The following CPSF4 variants were observed in gnomAD, a reference collection of about 807,000 sequenced individuals.
The protein encoded by CPSF4 is cleavage and polyadenylation specificity factor subunit 4.
A neutral mutation model predicts 37.7 loss-of-function variants in CPSF4; 11 were observed. The ratio of observed to expected loss-of-function variants is 0.29; its 90% CI spans 0.18 to 0.48. The LOEUF is 0.48. Among genes scored for constraint, CPSF4 ranks in the 20% least tolerant of loss-of-function variants. The pLI is 0.99. For synonymous variants in CPSF4, 132 were observed against 135.9 expected (o/e 0.97, Z 0.20); for missense variants, 144 against 359.5 (o/e 0.40, Z 4.85).
Position 99,454,116 on chromosome 7 carries a change from G to C in CPSF4, c.721G>C (p.Glu241Gln), listed in dbSNP as rs1342176719. The C allele has an allele frequency of 6.2e-7, 1 of 1,613,924 alleles. No homozygotes were observed. Among genetic ancestry groups the C allele is most frequent in the East Asian group, 2.2e-5 (1 of 44,878 alleles). Residue 241 changes from glutamate (E) to glutamine (Q), a missense_variant, in exon 7 of 8, where the codon GAG (glutamate) becomes CAG (glutamine). Transcript: ENST00000292476. ...SAGNRGPRPLEQVTCYKCGEK... is the reference protein window; with the variant it reads ...SAGNRGPRPLQQVTCYKCGEK... ...GGGCAACCGGGGACCCCGGCCACTG[G>C]AGCAGGTCACCTGTTACAAGGTGAG... is the stretch of plus-strand genomic sequence containing the variant.
chr7:99,441,452 G>T (rs1346905305), intron 1 of CPSF4: 1 of 456,148 alleles, frequency 2.2e-6, no homozygotes, highest in Admixed American at 2.4e-5. Context: ...CTTCAGAGTC[G>T]GTAGGCACCC....
chr7:99,452,050 C>T (rs1797969500), intron 5 of CPSF4, among the ~76,000 whole-genome samples: 1 of 152,180 alleles, frequency 6.6e-6, no homozygotes, highest in Non-Finnish European at 1.5e-5. Context: ...TCCTGTGGCG[C>T]AGCAGGCACG....
At chr7:99,443,639 C>T (rs1008574024) in intron 1 of CPSF4, 15 of 491,244 alleles carry the variant, frequency 3.1e-5, no homozygotes, top group Non-Finnish European at 5.6e-5. Flanking sequence ...TGTATGTGGG[C>T]CAGGTGTGGT....
At chr7:99,452,288 G>C (rs1285817419) in intron 5 of CPSF4, 80 bp from the exon 6 acceptor site, 4 of 1,211,588 alleles carry the variant, frequency 3.3e-6, no homozygotes, top group Non-Finnish European at 4.9e-6. Context: ...TGGAATTTAA[G>C]AGCATGGCCT....
chr7:99,444,444 C>T (rs940615349), intron 1 of CPSF4, among the ~76,000 whole-genome samples: 7 of 151,458 alleles, frequency 4.6e-5, no homozygotes, highest in East Asian at 1.9e-4. Context: ...GCAACTAGAG[C>T]GAAACCCCAT....
Position 99,453,919 on chromosome 7 carries a change from G to A in CPSF4, c.571-47G>A, listed in dbSNP as rs777720194. 9.5e-6 allele frequency: 15 copies of A among 1,581,178 alleles called. No individual in the cohort carries two copies. The highest frequency in any genetic ancestry group is 1.3e-5 in the Non-Finnish European group (15 of 1,153,544). On this transcript the variant is annotated intron_variant, in intron 6 of 7. Transcript: ENST00000292476. This position sits in a 1 kb window ranked among gnomAD's most constrained non-coding sequence, Gnocchi z 4.7. Reference sequence around the variant, plus strand: ...TTTCCTGTCCCCATCGGTAGTCTGCGTGCACGTGTTTTCCACAGTAAAACC... The same window carrying A: ...TTTCCTGTCCCCATCGGTAGTCTGCATGCACGTGTTTTCCACAGTAAAACC...
chr7:99,439,138 T>C lies in CPSF4; in HGVS notation c.56T>C (p.Val19Ala). The C allele has an allele frequency of 1.9e-6, 3 of 1,611,006 alleles. No individual in the cohort carries two copies. The highest frequency in any genetic ancestry group is 2.5e-6 in the Non-Finnish European group (3 of 1,179,486). The change falls in exon 1 of 8, where the codon GTG (valine) becomes GCG (alanine). Residue 19 changes from valine (V) to alanine (A), a missense_variant. By Grantham distance (64) the Val-to-Ala change is moderately conservative. This residue lies in a region of CPSF4 where 42 missense variants were observed against 86.4 expected (regional missense o/e 0.49). Transcript: ENST00000292476. ...DHIKFDLEIA[V>A]EQQLGAQPLP... is the part of the protein sequence containing the mutation. Reference sequence around the variant, plus strand: ...ATCAAGTTTGACTTGGAGATCGCGGTGGAGCAGCAGCTGGGGGCGCAGCCG... The same window carrying C: ...ATCAAGTTTGACTTGGAGATCGCGGCGGAGCAGCAGCTGGGGGCGCAGCCG...
intron 3 of CPSF4, chr7:99,449,062 AG>A: frequency 6.6e-6 from 1 of 152,302 alleles, no homozygotes; most frequent in Non-Finnish European, 1.5e-5. Flanking sequence ...CTGCACTTCC[AG>A]GTTTCCCGGG....
In CPSF4 at chr7:99,440,674, A is replaced by ATATATTT; in HGVS notation, c.103+1490_103+1491insATATTTT. 3.7e-3 allele frequency among the ~76,000 whole-genome samples: 326 copies of ATATATTT among 88,052 alleles called. 15 individuals are homozygous for ATATATTT. The highest frequency in any genetic ancestry group is 0.028 in the African/African-American group (291 of 10,278). The allele number at this position is 88,052 out of a possible 152,430, so 57.8% of individuals were successfully genotyped here. On this transcript the variant is annotated intron_variant, in intron 1 of 7. Transcript: ENST00000292476. ...ACCTGGCATATATATATATATATAT[A>ATATATTT]TTTTTTTTTTTTTTTTTTTCCTGCC...
rs557905583 is a variant in CPSF4, at chr7:99,448,459, CT to C, written c.307+207del. The C allele has an allele frequency of 0.17, 54,919 of 319,190 alleles. 74 individuals carry two copies. Among genetic ancestry groups the C allele is most frequent in the South Asian group, 0.24 (6,094 of 25,694 alleles). 19.8% of individuals were successfully genotyped at this position (319,190 alleles called of 1,614,324 possible). ...CAGTGTGGCTATTTTCTGCTCATCT[CT>C]TTTTTTTTTTTTTTTTTTTTAAAGA... On this transcript the variant is annotated intron_variant, in intron 3 of 7. Coordinates refer to ENST00000292476, the MANE Select transcript of CPSF4 (RefSeq NM_006693.4). This position sits in a 1 kb window ranked among gnomAD's most constrained non-coding sequence, Gnocchi z 4.4.
At position 99,453,519 on chromosome 7, in the gene CPSF4, C is replaced by T. The variant is rs1798078275; in HGVS notation, c.571-447C>T. ...CCCTGGCCCTCCTCCTGGTGGGGCTCCCTAGAGGAGGGTCCTCTCAGCCCG... is the reference window on the plus strand; with the variant it reads ...CCCTGGCCCTCCTCCTGGTGGGGCTTCCTAGAGGAGGGTCCTCTCAGCCCG... On this transcript the variant is annotated intron_variant, in intron 6 of 7. Coordinates refer to ENST00000292476, the MANE Select transcript of CPSF4 (RefSeq NM_006693.4). The surrounding 1 kb of genome is among the most constrained non-coding windows in gnomAD (Gnocchi z 4.7). The T allele has an allele frequency of 6.5e-6, 1 of 153,810 alleles. No individual in the cohort carries two copies. The highest frequency in any genetic ancestry group is 1.4e-5 in the Non-Finnish European group (1 of 69,168). The allele number at this position is 153,810 out of a possible 1,614,324, so 9.5% of individuals were successfully genotyped here.
chr7:99,452,360 G>C lies in CPSF4; in HGVS notation c.498-8G>C. The C allele has an allele frequency of 6.2e-7, 1 of 1,613,370 alleles. No individual in the cohort carries two copies. Among genetic ancestry groups the C allele is most frequent in the South Asian group, 1.1e-5 (1 of 91,050 alleles). On this transcript the variant is annotated splice_polypyrimidine_tract_variant and splice_region_variant and intron_variant, in intron 5 of 7. Coordinates refer to ENST00000292476, the MANE Select transcript of CPSF4 (RefSeq NM_006693.4). ...TTGTTCTCATCCCCTCTGGCTGCTG[G>C]TGACCAGCCCTCGATTTGAACTGCC...
intron 1 of CPSF4, among the ~76,000 whole-genome samples, chr7:99,442,655 C>CAAAAAAAAAAAAAA (rs751146641): frequency 3.8e-5 from 2 of 52,494 alleles, no homozygotes; most frequent in African/African-American, 6.5e-5. Flanking sequence ...GACTCCGTCT[C>CAAAAAAAAAAAAAA]AAAAAAAAAA....
chr7:99,445,511 A>G (rs542567284), intron 2 of CPSF4, among the ~76,000 whole-genome samples: 1 of 152,202 alleles, frequency 6.6e-6, no homozygotes, highest in South Asian at 2.1e-4. Flanking sequence ...ATGGAGCTCC[A>G]CTGTCTTGGT....
intron 1 of CPSF4, chr7:99,441,300 C>G (rs1250034853): frequency 7.1e-6 from 3 of 421,388 alleles, no homozygotes; most frequent in South Asian, 1.7e-5. Context: ...GAACCACCCA[C>G]GCAGGGCAGC....
chr7:99,440,674 A>ATATATATATATATATATATATTTT, intron 1 of CPSF4, among the ~76,000 whole-genome samples: 1 of 88,088 alleles, frequency 1.1e-5, no homozygotes, highest in African/African-American at 9.7e-5. Context: ...ATATATATAT[A>ATATATATATATATATATATATTTT]TTTTTTTTTT....
At chr7:99,444,698 A>G in intron 1 of CPSF4, 91 bp from the exon 2 acceptor site, 1 of 1,239,950 alleles carries the variant, frequency 8.1e-7, no homozygotes, top group Non-Finnish European at 1.2e-6. Flanking sequence ...GGTGGGTCAG[A>G]GGTCAGAAGG....
chr7:99,440,669 T>TG (rs1796849507), intron 1 of CPSF4, among the ~76,000 whole-genome samples: 1 of 108,574 alleles, frequency 9.2e-6, no homozygotes, highest in Non-Finnish European at 1.6e-5. Flanking sequence ...TATATATATA[T>TG]ATATATTTTT....
intron 1 of CPSF4, chr7:99,441,325 C>T (rs981488068): frequency 4.5e-6 from 2 of 444,078 alleles, no homozygotes; most frequent in Non-Finnish European, 9.1e-6. Context: ...TTCCTCCCAC[C>T]CTTCTGCCAT....
Sources: allele counts gnomAD v4.1 joint callset (sites outside exome capture counted in the v4.1 genomes callset), GRCh38; gene constraint gnomAD v4.1.1; regional missense constraint gnomAD v4.1.1; non-coding constraint Gnocchi (gnomAD v3.1); transcripts MANE v1.5; gene names NCBI Gene and HGNC (gene_info 2026-07-23, HGNC 2026-07-21).